Variants in TSPAN9 observed in about 807,000 individuals in gnomAD.
TSPAN9 encodes the protein tetraspanin-9.
A neutral mutation model predicts 31.0 loss-of-function variants in TSPAN9; 16 were observed. The ratio of observed to expected loss-of-function variants is 0.52; its 90% CI spans 0.35 to 0.78. TSPAN9 has a LOEUF of 0.78. TSPAN9 is among the 30% of genes least tolerant of loss of function. The pLI, the probability that TSPAN9 is intolerant of heterozygous loss-of-function variation, is 0.01. For synonymous variants in TSPAN9, 145 were observed against 121.6 expected, an observed-to-expected ratio of 1.19 and a Z score of -1.27; for missense variants, 272 against 312.5, an observed-to-expected ratio of 0.87 and a Z score of 0.98.
intron 3 of TSPAN9, among the ~76,000 whole-genome samples, chr12:3,258,671 G>T (rs115115746): frequency 6.6e-6 from 1 of 152,096 alleles, no homozygotes; most frequent in African/African-American, 2.4e-5. Context: ...CCCAAGCAGC[G>T]CTGAATAACA....
At chr12:3,125,906 C>A (rs955596819) in intron 2 of TSPAN9, among the ~76,000 whole-genome samples, 1 of 152,152 alleles carries the variant, frequency 6.6e-6, no homozygotes, top group South Asian at 2.1e-4. Context: ...CTCAGCACAT[C>A]GCCTGGCATT....
rs1683044028 is a variant in TSPAN9, at chr12:3,170,073, G to A, written c.-17-31104G>A. ...TTCTGGCTGCCGTGACCTTGAGCAAGTCCCTTTACTTCTCTCTGTTCCACG... is the reference window on the plus strand; with the variant it reads ...TTCTGGCTGCCGTGACCTTGAGCAAATCCCTTTACTTCTCTCTGTTCCACG... On this transcript the variant is annotated intron_variant, in intron 2 of 8. Transcript: ENST00000011898. This position sits in a 1 kb window ranked among gnomAD's most constrained non-coding sequence, Gnocchi z 4.4. Among the ~76,000 whole-genome samples the A allele has an allele frequency of 6.6e-6, 1 of 152,188 alleles. No homozygotes were observed. The highest frequency in any genetic ancestry group is 2.4e-5 in the African/African-American group (1 of 41,432).
chr12:3,226,718 ATGTGTGTGTG>A (rs60390468), intron 3 of TSPAN9, among the ~76,000 whole-genome samples: 725 of 15,144 alleles, frequency 0.048, 22 homozygotes, highest in South Asian at 0.061. Flanking sequence ...ATGTGTATGT[ATGTGTGTGTG>A]TGTGTGTGTG....
At chr12:3,214,546 T>TG (rs952964086) in intron 3 of TSPAN9, among the ~76,000 whole-genome samples, 4 of 152,052 alleles carry the variant, frequency 2.6e-5, no homozygotes, top group Non-Finnish European at 4.4e-5. Flanking sequence ...TGCTTAGTGG[T>TG]GGGGGGAGAA....
chr12:3,150,533 C>T (rs779144617), intron 2 of TSPAN9, among the ~76,000 whole-genome samples: 5 of 152,260 alleles, frequency 3.3e-5, no homozygotes, highest in Admixed American at 6.5e-5. Context: ...TATATACGCA[C>T]GTTGCTGCTG....
Position 3,280,259 on chromosome 12 carries a change from G to GCTGCCTTCC in TSPAN9, c.331-113_331-105dup, listed in dbSNP as rs1862868494. On this transcript the variant is annotated intron_variant, in intron 5 of 8. Transcript: ENST00000011898. This position sits in a 1 kb window ranked among gnomAD's most constrained non-coding sequence, Gnocchi z 4.5. ...CCAGTGGGCAGGGCCTTCCAGACCAGCTGCCTTCCCTGCCTTCCTCACTCC... is the reference window on the plus strand; with the variant it reads ...CCAGTGGGCAGGGCCTTCCAGACCAGCTGCCTTCCCTGCCTTCCCTGCCTTCCTCACTCC... The GCTGCCTTCC allele has an allele frequency of 4.7e-6, 4 of 853,308 alleles. No homozygotes were observed. The highest frequency in any genetic ancestry group is 7.4e-6 in the Non-Finnish European group (4 of 537,054). The allele number at this position is 853,308 out of a possible 1,614,324, so 52.9% of individuals were successfully genotyped here. A position where few individuals can be genotyped will look rare whatever the true frequency, so the allele number is the denominator to read the frequency against.
In TSPAN9 at chr12:3,271,843, C is replaced by T. The variant is rs927350308; in HGVS notation, c.64-6578C>T. 3.3e-5 allele frequency among the ~76,000 whole-genome samples: 5 copies of T among 152,192 alleles called. No individual in the cohort carries two copies. The East Asian group carries it at 7.7e-4, about 23-fold the overall frequency. On this transcript the variant is annotated intron_variant, in intron 3 of 8. Coordinates refer to ENST00000011898, the MANE Select transcript of TSPAN9 (RefSeq NM_006675.5). ...AAGGGGTGTCTGAAATACAAAGCAG[C>T]GGCTGCGCTCCTGGCACCGATGTAT...
At chr12:3,193,749 G>A (rs895239274) in intron 2 of TSPAN9, among the ~76,000 whole-genome samples, 6 of 152,216 alleles carry the variant, frequency 3.9e-5, no homozygotes, top group African/African-American at 7.2e-5. Context: ...GGCAGAGGTC[G>A]AGGGGCTGCC....
chr12:3,202,151 G>A (rs1324245529), intron 3 of TSPAN9, among the ~76,000 whole-genome samples: 1 of 152,232 alleles, frequency 6.6e-6, no homozygotes, highest in African/African-American at 2.4e-5. Context: ...TACTGGTTAG[G>A]AACATTTGAA....
At chr12:3,121,533 C>CGTTTTTTTTTTTTTTTT (rs1426241959) in intron 2 of TSPAN9, among the ~76,000 whole-genome samples, 1 of 92,914 alleles carries the variant, frequency 1.1e-5, no homozygotes, top group Non-Finnish European at 2.0e-5. Context: ...CTAATTAAAA[C>CGTTTTTTTTTTTTTTTT]TTTTTTTTTT....
At chr12:3,281,420 A>G in intron 7 of TSPAN9, 91 bp downstream of exon 7, 1 of 1,414,468 alleles carries the variant, frequency 7.1e-7, no homozygotes, top group Non-Finnish European at 9.2e-7. Context: ...GGCCCGGGAC[A>G]CTAAGAGGTT....
At chr12:3,268,793 C>T (rs1862600406) in intron 3 of TSPAN9, among the ~76,000 whole-genome samples, 1 of 67,088 alleles carries the variant, frequency 1.5e-5, no homozygotes, top group Non-Finnish European at 3.8e-5. Context: ...TTCCTGCAGC[C>T]TGCCCTCTCT....
chr12:3,274,289 C>T (rs1361484876), intron 3 of TSPAN9, among the ~76,000 whole-genome samples: 1 of 152,178 alleles, frequency 6.6e-6, no homozygotes, highest in Admixed American at 6.5e-5. Flanking sequence ...GTCTCAGACT[C>T]GGCTAAGACT....
chr12:3,242,094 C>T (rs2098396880), intron 3 of TSPAN9, among the ~76,000 whole-genome samples: 1 of 152,254 alleles, frequency 6.6e-6, no homozygotes, highest in Non-Finnish European at 1.5e-5. Context: ...CTGAGGCCAG[C>T]ATCAGGGGTC....
intron 3 of TSPAN9, among the ~76,000 whole-genome samples, chr12:3,259,859 G>C (rs1244188815): frequency 9.2e-5 from 14 of 152,258 alleles, no homozygotes; most frequent in Admixed American, 9.2e-4. Flanking sequence ...TGGCTGCTCT[G>C]TGGGGAATGG....
rs566780396 is a variant in TSPAN9 at position 3,192,263 on chromosome 12, G to A, written c.-17-8914G>A. Among the ~76,000 whole-genome samples, 1 of 152,324 alleles carries A rather than the reference G, an allele frequency of 6.6e-6. No individual in the cohort carries two copies. Among genetic ancestry groups the A allele is most frequent in the East Asian group, 1.9e-4 (1 of 5,172 alleles). ...AAGTAAGATGGGAAGCCACTGATGA[G>A]GTTACAGTGGAGAGGCACATGAGTG... On this transcript the variant is annotated intron_variant, in intron 2 of 8. Coordinates refer to ENST00000011898, the MANE Select transcript of TSPAN9 (RefSeq NM_006675.5). The surrounding 1 kb of genome is among the most constrained non-coding windows in gnomAD (Gnocchi z 4.6).
chr12:3,185,302 C>T (rs1433687117), intron 2 of TSPAN9, among the ~76,000 whole-genome samples: 1 of 152,120 alleles, frequency 6.6e-6, no homozygotes, highest in African/African-American at 2.4e-5. Flanking sequence ...TGGTATCTGT[C>T]TCATGTTGTT....
At chr12:3,153,168 G>A (rs556542723) in intron 2 of TSPAN9, among the ~76,000 whole-genome samples, 8 of 152,278 alleles carry the variant, frequency 5.3e-5, no homozygotes, top group Admixed American at 2.0e-4. Context: ...TGGCAGTCCC[G>A]GAAGGGCCTG....
At chr12:3,230,562 G>C (rs2098390156) in intron 3 of TSPAN9, among the ~76,000 whole-genome samples, 1 of 152,154 alleles carries the variant, frequency 6.6e-6, no homozygotes, top group African/African-American at 2.4e-5. Context: ...TGCAAGCGTA[G>C]GTGCCCACGG....
Sources: gnomAD v4.1 joint callset for allele counts (sites outside exome capture counted in the v4.1 genomes callset) on GRCh38, gnomAD v4.1.1 for gene constraint, Gnocchi (gnomAD v3.1) non-coding constraint, MANE v1.5 for transcripts, NCBI Gene and HGNC (gene_info 2026-07-23, HGNC 2026-07-21) for gene names.